Variants in TRIM36 observed in about 807,000 individuals in gnomAD.
TRIM36 encodes the protein tripartite motif containing 36.
Under a neutral mutation model 72.4 loss-of-function variants are expected in TRIM36, and 42 were observed. That is an observed-to-expected ratio of 0.58 (90% CI 0.45 to 0.75). TRIM36 has a LOEUF of 0.75. Among genes scored for constraint, TRIM36 ranks in the 30% least tolerant of loss-of-function variants. The probability of loss-of-function intolerance (pLI) is 0.00; values close to 1 mark genes in which losing one functional copy is unlikely to be tolerated. For missense variants in TRIM36, 913 were observed against 857.1 expected, an observed-to-expected ratio of 1.07 and a Z score of -0.81; for synonymous variants, 315 against 282.8, an observed-to-expected ratio of 1.11 and a Z score of -1.14.
At chr5:115,161,525 T>C (rs1754481247) in intron 2 of TRIM36, among the ~76,000 whole-genome samples, 1 of 152,250 alleles carries the variant, frequency 6.6e-6, no homozygotes, top group Non-Finnish European at 1.5e-5. Context: ...CCTATTGAGC[T>C]GGTGTGGTAT....
intron 9 of TRIM36, 146 bp downstream of exon 9, chr5:115,130,445 AC>A: frequency 1.3e-6 from 1 of 797,494 alleles, no homozygotes; most frequent in Non-Finnish European, 1.9e-6. Flanking sequence ...TTACAAGAAT[AC>A]CCGGCTCCTT....
intron 1 of TRIM36, among the ~76,000 whole-genome samples, chr5:115,166,929 C>A (rs1481323241): frequency 6.6e-6 from 1 of 152,232 alleles, no homozygotes; most frequent in East Asian, 1.9e-4. Context: ...CCCGCCACAG[C>A]CACCATGCCT....
In TRIM36 at chr5:115,141,337, T is replaced by C; in HGVS notation, c.773A>G (p.Lys258Arg). ...TATTTGACTCTTCACCTGGCTTTCC[T>C]TACCAATAAGGTAATCAATATCCTT... The part of the protein sequence containing the change: ...LSKDIDYLIG[K>R]ESQVKSQISE... Residue 258 changes from lysine to arginine, a missense_variant, in exon 5 of 10, where the codon AAG becomes AGG. By Grantham distance (26) the Lys-to-Arg change is conservative. Coordinates refer to ENST00000513154, the MANE Select transcript of TRIM36 (RefSeq NM_001300759.2). The C allele has an allele frequency of 6.2e-7, 1 of 1,606,116 alleles. No individual in the cohort carries two copies. Among genetic ancestry groups the C allele is most frequent in the Non-Finnish European group, 8.5e-7 (1 of 1,177,904 alleles).
chr5:115,138,414 C>T (rs546775999), intron 5 of TRIM36, among the ~76,000 whole-genome samples: 2 of 152,098 alleles, frequency 1.3e-5, no homozygotes, highest in South Asian at 4.2e-4. Context: ...AAGTTTTTAG[C>T]CACAAAACTC....
intron 1 of TRIM36, among the ~76,000 whole-genome samples, chr5:115,165,467 G>A (rs781297159): frequency 2.6e-5 from 4 of 152,244 alleles, no homozygotes; most frequent in Non-Finnish European, 4.4e-5. Context: ...AACACCATGT[G>A]TAAGCCACCA....
chr5:115,134,546 A>AT (rs11341793), intron 7 of TRIM36, among the ~76,000 whole-genome samples: 8,784 of 149,720 alleles, frequency 0.059, 318 homozygotes, highest in African/African-American at 0.092. Context: ...CTCTCAATGA[A>AT]TTTTTTTTTT....
intron 1 of TRIM36, among the ~76,000 whole-genome samples, chr5:115,167,896 T>C (rs6859943): frequency 0.36 from 54,225 of 152,124 alleles, 9,895 homozygotes; most frequent in African/African-American, 0.42. Flanking sequence ...AGAGATTTAA[T>C]TGACTCACAG....
chr5:115,165,561 G>C (rs1322783738), intron 1 of TRIM36, among the ~76,000 whole-genome samples: 1 of 152,206 alleles, frequency 6.6e-6, no homozygotes, highest in African/African-American at 2.4e-5. Context: ...CTGGGACACA[G>C]GGCACCAAGT....
intron 2 of TRIM36, among the ~76,000 whole-genome samples, chr5:115,152,310 C>A (rs1007509574): frequency 6.6e-5 from 10 of 151,982 alleles, no homozygotes; most frequent in African/African-American, 2.2e-4. Context: ...TAACCCAATC[C>A]AACAAAGACA....
intron 2 of TRIM36, among the ~76,000 whole-genome samples, chr5:115,147,639 CAT>C (rs1753667816): frequency 6.6e-6 from 1 of 151,920 alleles, no homozygotes; most frequent in African/African-American, 2.4e-5. Context: ...AGTAAACCCA[CAT>C]AGAATCCATA....
chr5:115,170,023 C>G, upstream of TRIM36: 1 of 1,037,624 alleles, frequency 9.6e-7, no homozygotes, highest in Non-Finnish European at 1.2e-6. Context: ...GCGGGGCCGC[C>G]TGGGGCTGGT....
chr5:115,148,254 T>C (rs1753697841), intron 2 of TRIM36: 1 of 809,830 alleles, frequency 1.2e-6, no homozygotes, highest in Non-Finnish European at 1.5e-6. Flanking sequence ...TATAAAACAA[T>C]GAATGACCTT....
chr5:115,127,617 T>C (rs1752426566), intron 9 of TRIM36, among the ~76,000 whole-genome samples: 3 of 152,228 alleles, frequency 2.0e-5, no homozygotes, highest in South Asian at 4.1e-4. Context: ...TGGTAGCCAC[T>C]GTAAGGCTGT....
chr5:115,171,123 C>T (rs767636782), upstream of TRIM36: 17 of 1,614,066 alleles, frequency 1.1e-5, no homozygotes, highest in East Asian at 3.1e-4. Flanking sequence ...AAATGCTTCC[C>T]ACTTTTATTT....
At chr5:115,170,523 G>A (rs1272236600), upstream of TRIM36, among the ~76,000 whole-genome samples, 1 of 152,092 alleles carries the variant, frequency 6.6e-6, no homozygotes, top group African/African-American at 2.4e-5. Flanking sequence ...AGCCAGGCGC[G>A]GCCTGGGGTT....
At chr5:115,132,376 T>C (rs1379057653) in intron 8 of TRIM36, among the ~76,000 whole-genome samples, 1 of 151,502 alleles carries the variant, frequency 6.6e-6, no homozygotes, top group Non-Finnish European at 1.5e-5. Context: ...CTACTAAAAA[T>C]ACAAAAATTA....
chr5:115,180,184 A>G (rs558152668), upstream of TRIM36: 275 of 737,834 alleles, frequency 3.7e-4, 4 homozygotes, highest in South Asian at 5.1e-3. Context: ...GCGCCGGGGA[A>G]AGCAAGAAGC....
At chr5:115,154,327 A>G (rs572196091) in intron 2 of TRIM36, among the ~76,000 whole-genome samples, 4 of 152,222 alleles carry the variant, frequency 2.6e-5, no homozygotes, top group Non-Finnish European at 5.9e-5. Context: ...GAAAGGAAAT[A>G]AGCAAGATCA....
rs772268225 is a variant in TRIM36, at chr5:115,125,036, C to A, written c.*1467G>T. On this transcript the variant is annotated 3_prime_UTR_variant, in exon 10 of 10. Transcript: ENST00000513154. ...TGGGAAATTAACAGCCTGCTAAACA[C>A]TGAAGTTCTCCATGATATTTGCTAC... 1 of 152,410 alleles carries A rather than the reference C, an allele frequency of 6.6e-6. No individual in the cohort carries two copies. Among genetic ancestry groups the A allele is most frequent in the Non-Finnish European group, 1.5e-5 (1 of 67,926 alleles). 9.4% of individuals were successfully genotyped at this position (152,410 alleles called of 1,614,324 possible).
Sources: allele counts gnomAD v4.1 joint callset (sites outside exome capture counted in the v4.1 genomes callset), GRCh38; gene constraint gnomAD v4.1.1; transcripts MANE v1.5; gene names NCBI Gene and HGNC (gene_info 2026-07-23, HGNC 2026-07-21).